TMEM201: variants seen among roughly 807,000 people sequenced by gnomAD.
TMEM201 encodes the protein RP13-15M17.2.
In TMEM201, 26 loss-of-function variants were observed where a neutral mutation model predicts 63.4. The ratio of observed to expected loss-of-function variants is 0.41; its 90% CI spans 0.30 to 0.57. TMEM201 has a LOEUF of 0.57. TMEM201 is among the 20% of genes least tolerant of loss of function. The probability of loss-of-function intolerance (pLI) is 0.29; values close to 1 mark genes in which losing one functional copy is unlikely to be tolerated. For missense variants in TMEM201, 794 were observed against 917.7 expected, an observed-to-expected ratio of 0.87 and a Z score of 1.74; for synonymous variants, 417 against 421.6, an observed-to-expected ratio of 0.99 and a Z score of 0.14.
chr1:9,595,563 C>T (rs1385861175), intron 1 of TMEM201, among the ~76,000 whole-genome samples: 6 of 152,122 alleles, frequency 3.9e-5, no homozygotes, highest in African/African-American at 7.2e-5. Flanking sequence ...GCAGGTGGCC[C>T]TGGGTCCCCG....
intron 6 of TMEM201, chr1:9,606,630 G>A (rs1436845657): frequency 2.0e-5 from 3 of 152,240 alleles, no homozygotes; most frequent in Non-Finnish European, 4.4e-5. Context: ...TTTGTCCCTT[G>A]GCACCGAGGT....
rs1238108642 is a variant in TMEM201, at chr1:9,610,622, A to C, written c.1582A>C (p.Ile528Leu). The change falls in exon 9 of 11, where the codon ATC (isoleucine) becomes CTC (leucine). Residue 528 changes from isoleucine to leucine, a missense_variant. Ile to Leu is a conservative substitution (Grantham distance 5). Transcript: ENST00000340381. This position sits in a 1 kb window ranked among gnomAD's most constrained non-coding sequence, Gnocchi z 4.9. Reference protein sequence around the residue: ...SGSLRHRRPLISPARLNLKGQ... With the variant: ...SGSLRHRRPLLSPARLNLKGQ... The stretch of plus-strand genomic sequence containing the variant: ...CTCTCTGCGCCACCGCAGGCCCCTC[A>C]TCAGCCCTGCCCGGCTCAACCTGAA... The C allele has an allele frequency of 5.8e-6, 9 of 1,550,276 alleles. No homozygotes were observed. Among genetic ancestry groups the C allele is most frequent in the Non-Finnish European group, 7.0e-6 (8 of 1,146,854 alleles).
chr1:9,609,170 C>G (rs1046491773), intron 7 of TMEM201, among the ~76,000 whole-genome samples: 1 of 152,206 alleles, frequency 6.6e-6, no homozygotes, highest in Non-Finnish European at 1.5e-5. Context: ...GGTTGGCATG[C>G]TGGGTCCTTG....
intron 5 of TMEM201, among the ~76,000 whole-genome samples, 193 bp downstream of exon 5, chr1:9,601,647 C>A (rs549843632): frequency 1.3e-5 from 2 of 152,290 alleles, no homozygotes; most frequent in East Asian, 3.9e-4. Flanking sequence ...TCTGAGCCAG[C>A]CCCGTGCACA....
rs759298916 is a variant in TMEM201 at position 9,602,051 on chromosome 1, C to T, written c.957-18C>T. Reference sequence around the variant, plus strand: ...GGTCTTGTCCTCCCCTGGGGTGACCCCGCTGCTTCCCTTTCAGGCTCCGGA... The same window carrying T: ...GGTCTTGTCCTCCCCTGGGGTGACCTCGCTGCTTCCCTTTCAGGCTCCGGA... On this transcript the variant is annotated intron_variant, in intron 5 of 10. Coordinates refer to ENST00000340381, the MANE Select transcript of TMEM201 (RefSeq NM_001130924.3). 1.9e-6 allele frequency: 3 copies of T among 1,606,650 alleles called. No homozygotes were observed. The South Asian group carries it at 3.3e-5, about 18-fold the overall frequency.
At chr1:9,612,231 T>C (rs898729792) in intron 10 of TMEM201, among the ~76,000 whole-genome samples, 3 of 152,252 alleles carry the variant, frequency 2.0e-5, no homozygotes, top group Non-Finnish European at 4.4e-5. Flanking sequence ...CTGTGGCCCG[T>C]GGCTGGCATT....
At chr1:9,590,504 T>G (rs1471342335) in intron 1 of TMEM201, among the ~76,000 whole-genome samples, 1 of 152,150 alleles carries the variant, frequency 6.6e-6, no homozygotes, top group Non-Finnish European at 1.5e-5. Context: ...TGGCTCACTG[T>G]GCCACACACT....
Position 9,603,500 on chromosome 1 carries a change from A to G in TMEM201, c.1160+1228A>G, listed in dbSNP as rs930856875. The G allele has an allele frequency of 1.0e-6, 1 of 985,392 alleles. No homozygotes were observed. The highest frequency in any genetic ancestry group is 1.2e-6 in the Non-Finnish European group (1 of 829,962). The allele number at this position is 985,392 out of a possible 1,614,324, so 61.0% of individuals were successfully genotyped here. On this transcript the variant is annotated intron_variant, in intron 6 of 10. Transcript: ENST00000340381. The surrounding 1 kb of genome is among the most constrained non-coding windows in gnomAD (Gnocchi z 4.5). ...CTGGCTGCCCACTCCCTCAGGGCCC[A>G]CATGTCCTGCCACTCGCCACTCTGA... is the stretch of plus-strand genomic sequence containing the variant.
chr1:9,604,134 C>A lies in TMEM201; in HGVS notation c.1160+1862C>A. 1.0e-6 allele frequency: 1 copy of A among 985,456 alleles called. No individual in the cohort carries two copies. Among genetic ancestry groups the A allele is most frequent in the Non-Finnish European group, 1.2e-6 (1 of 829,940 alleles). 61.0% of individuals were successfully genotyped at this position (985,456 alleles called of 1,614,324 possible). On this transcript the variant is annotated intron_variant, in intron 6 of 10. Coordinates refer to ENST00000340381, the MANE Select transcript of TMEM201 (RefSeq NM_001130924.3). This position sits in a 1 kb window ranked among gnomAD's most constrained non-coding sequence, Gnocchi z 4.1. ...TGTCGGCTGGCCATGCTGTTGCTTG[C>A]GTCTCGAATCTTCGGTTCTCGAGGA...
intron 1 of TMEM201, among the ~76,000 whole-genome samples, chr1:9,593,286 G>A (rs1425219171): frequency 6.6e-6 from 1 of 152,210 alleles, no homozygotes; most frequent in East Asian, 1.9e-4. Flanking sequence ...ACGCCGCCGT[G>A]CTGGTGCCTG....
intron 1 of TMEM201, 94 bp from the exon 2 acceptor site, chr1:9,595,796 C>T: frequency 6.3e-7 from 1 of 1,575,122 alleles, no homozygotes; most frequent in Non-Finnish European, 8.6e-7. Flanking sequence ...CTCCCAGCAC[C>T]CTTTCCCTGG....
At chr1:9,600,950 G>A (rs1017594088) in intron 4 of TMEM201, among the ~76,000 whole-genome samples, 155 bp from the exon 5 acceptor site, 1 of 152,190 alleles carries the variant, frequency 6.6e-6, no homozygotes, top group Non-Finnish European at 1.5e-5. Context: ...CCAGAAGTGA[G>A]GCGGGCCGGT....
chr1:9,610,025 A>G lies in TMEM201; in HGVS notation c.1465+114A>G. 1 of 1,007,322 alleles carries G rather than the reference A, an allele frequency of 9.9e-7. No homozygotes were observed. The highest frequency in any genetic ancestry group is 1.5e-6 in the Non-Finnish European group (1 of 660,536). The allele number at this position is 1,007,322 out of a possible 1,614,324, so 62.4% of individuals were successfully genotyped here. On this transcript the variant is annotated intron_variant, in intron 8 of 10. Coordinates refer to ENST00000340381, the MANE Select transcript of TMEM201 (RefSeq NM_001130924.3). The surrounding 1 kb of genome is among the most constrained non-coding windows in gnomAD (Gnocchi z 4.9). ...AGACAGACCCCAAGTGTGTGTTCAC[A>G]TCTCAGCCCTGGGCAAGTGACCTAC...
chr1:9,607,663 C>T lies in TMEM201; in HGVS notation c.1267C>T (p.Pro423Ser), dbSNP rs892043766. ...SPASLFIPSPPSFLPLANQQL... is the reference protein window; with the variant it reads ...SPASLFIPSPSSFLPLANQQL... The stretch of plus-strand genomic sequence containing the variant: ...AGCGTCTCTGTTCATCCCCAGCCCG[C>T]CCAGCTTCCTGCCCCTCGCCAACCA... Residue 423 changes from proline to serine, a missense_variant, in exon 7 of 11, where the codon CCC becomes TCC. Pro to Ser is a moderately conservative substitution (Grantham distance 74). Transcript: ENST00000340381. The surrounding 1 kb of genome is among the most constrained non-coding windows in gnomAD (Gnocchi z 5.4). 66 of 1,551,854 alleles carry T rather than the reference C, an allele frequency of 4.3e-5. No homozygotes were observed. Among genetic ancestry groups the T allele is most frequent in the Non-Finnish European group, 5.7e-5 (65 of 1,147,110 alleles).
In TMEM201 at chr1:9,601,466, G is replaced by C; in HGVS notation, c.956+12G>C. The stretch of plus-strand genomic sequence containing the variant: ...GCTGGCCGCATCAGGTGTGCATGGG[G>C]CCAGGGCCAGGAGTTGGCGGGCAGG... On this transcript the variant is annotated intron_variant, in intron 5 of 10. Transcript: ENST00000340381. 1 of 1,569,904 alleles carries C rather than the reference G, an allele frequency of 6.4e-7. No individual in the cohort carries two copies. The highest frequency in any genetic ancestry group is 8.6e-7 in the Non-Finnish European group (1 of 1,162,264).
chr1:9,603,411 G>A lies in TMEM201; in HGVS notation c.1160+1139G>A, dbSNP rs1644183941. On this transcript the variant is annotated intron_variant, in intron 6 of 10. Transcript: ENST00000340381. The surrounding 1 kb of genome is among the most constrained non-coding windows in gnomAD (Gnocchi z 4.5). ...CGTGCAGAGGAAGTTCCCGGCCTGG[G>A]GGCTTTATCCAGGGGTCCCAGTCGA... is the stretch of plus-strand genomic sequence containing the variant. The A allele has an allele frequency of 1.0e-6, 1 of 985,542 alleles. No individual in the cohort carries two copies. The highest frequency in any genetic ancestry group is 1.2e-6 in the Non-Finnish European group (1 of 830,018). The allele number at this position is 985,542 out of a possible 1,614,324, so 61.0% of individuals were successfully genotyped here.
At chr1:9,599,646 G>A (rs868270714) in intron 4 of TMEM201, among the ~76,000 whole-genome samples, 2 of 146,318 alleles carry the variant, frequency 1.4e-5, no homozygotes, top group Admixed American at 6.8e-5. Context: ...TTTTTGAGAC[G>A]GAGTCTCGCT....
intron 1 of TMEM201, among the ~76,000 whole-genome samples, chr1:9,594,767 C>T (rs1163251936): frequency 3.3e-5 from 5 of 152,230 alleles, no homozygotes; most frequent in African/African-American, 4.8e-5. Context: ...TGTGTCACTG[C>T]GTCCTTGCAG....
chr1:9,591,294 T>A (rs1643914690), intron 1 of TMEM201, among the ~76,000 whole-genome samples: 1 of 152,238 alleles, frequency 6.6e-6, no homozygotes, highest in Non-Finnish European at 1.5e-5. Context: ...TTGGGGAGGT[T>A]GGGCTACCTG....
Sources: gnomAD v4.1 joint callset for allele counts (sites outside exome capture counted in the v4.1 genomes callset) on GRCh38, gnomAD v4.1.1 for gene constraint, Gnocchi (gnomAD v3.1) non-coding constraint, MANE v1.5 for transcripts, NCBI Gene and HGNC (gene_info 2026-07-23, HGNC 2026-07-21) for gene names.